Variants in SHISA9 observed in about 807,000 individuals in gnomAD.
SHISA9 encodes the protein shisa family member 9, also known as protein shisa-9.
SHISA9 carries 13 observed loss-of-function variants against 38.0 expected under a neutral mutation model. The observed-to-expected ratio is 0.34, with a 90% confidence interval of 0.22 to 0.54. SHISA9 has a LOEUF of 0.54. Ranked by LOEUF, SHISA9 falls within the 20% of genes least tolerant of loss-of-function variation. The pLI, the probability that SHISA9 is intolerant of heterozygous loss-of-function variation, is 0.91. For synonymous variants in SHISA9, 275 were observed against 242.0 expected, an observed-to-expected ratio of 1.14 and a Z score of -1.27; for missense variants, 538 against 575.8, an observed-to-expected ratio of 0.93 and a Z score of 0.67.
intron 2 of SHISA9, among the ~76,000 whole-genome samples, chr16:12,944,618 G>C (rs564526239): frequency 6.6e-6 from 1 of 152,164 alleles, no homozygotes. Flanking sequence ...ACTTTGGGAA[G>C]GTAGCGTTCC....
At chr16:12,957,418 G>A (rs147244862) in intron 2 of SHISA9, among the ~76,000 whole-genome samples, 199 of 152,258 alleles carry the variant, frequency 1.3e-3, no homozygotes, top group African/African-American at 4.0e-3. Flanking sequence ...GGGTGCCAGC[G>A]TGGTTGGGTT....
At chr16:13,424,726 A>T in the SHISA9 span, among the ~76,000 whole-genome samples, 1 of 152,220 alleles carries the variant, frequency 6.6e-6, no homozygotes, top group Non-Finnish European at 1.5e-5. Flanking sequence ...AAAAGCAGTC[A>T]TATATGATAT....
intron 2 of SHISA9, among the ~76,000 whole-genome samples, chr16:13,102,966 A>G (rs1306633838): frequency 6.6e-6 from 1 of 152,242 alleles, no homozygotes; most frequent in Non-Finnish European, 1.5e-5. Context: ...GGCTATGCAT[A>G]TAGAAATACT....
the SHISA9 span, among the ~76,000 whole-genome samples, chr16:13,376,083 T>C: frequency 7.0e-4 from 107 of 152,298 alleles, no homozygotes; most frequent in African/African-American, 2.5e-3. Flanking sequence ...ACATTGATAA[T>C]TGTGTTCCCT....
At chr16:13,015,886 C>CTTTCTTTCTTTCTTTCTTTCTTTCTT (rs1567182371) in intron 2 of SHISA9, among the ~76,000 whole-genome samples, 53 of 113,334 alleles carry the variant, frequency 4.7e-4, no homozygotes, top group Non-Finnish European at 6.7e-4. Context: ...TTCTTTCTTT[C>CTTTCTTTCTTTCTTTCTTTCTTTCTT]TTTCTTTCTT....
At chr16:13,056,363 A>G (rs765345489) in intron 2 of SHISA9, among the ~76,000 whole-genome samples, 60 of 152,292 alleles carry the variant, frequency 3.9e-4, no homozygotes, top group South Asian at 8.3e-4. Flanking sequence ...AAATTATGCA[A>G]TAGAGGCCTG....
chr16:13,034,910 A>G (rs2073035683), intron 2 of SHISA9, among the ~76,000 whole-genome samples: 1 of 152,216 alleles, frequency 6.6e-6, no homozygotes, highest in African/African-American at 2.4e-5. Context: ...AGACATGTGA[A>G]TGAGCTAAGC....
At position 13,115,290 on chromosome 16, in the gene SHISA9, G is replaced by A. The variant is rs537560560; in HGVS notation, c.692-88104G>A. On this transcript the variant is annotated intron_variant, in intron 2 of 4. Coordinates refer to ENST00000558583, the MANE Select transcript of SHISA9 (RefSeq NM_001145204.3). ...ATAGAGGTGTGAAGTGGGAAATCAG[G>A]GGTCTCACAGCCTTCAGAGCTGAGA... Among the ~76,000 whole-genome samples, 36 of 152,218 alleles carry A rather than the reference G, an allele frequency of 2.4e-4. 1 individual carries two copies. Among genetic ancestry groups the A allele is most frequent in the African/African-American group, 6.7e-4 (28 of 41,518 alleles).
chr16:13,072,028 G>C (rs894371162), intron 2 of SHISA9, among the ~76,000 whole-genome samples: 1 of 152,176 alleles, frequency 6.6e-6, no homozygotes, highest in African/African-American at 2.4e-5. Context: ...TTGCAGGGAT[G>C]TGAATGAGAG....
the SHISA9 span, among the ~76,000 whole-genome samples, chr16:13,440,608 A>G: frequency 6.6e-6 from 1 of 152,188 alleles, no homozygotes; most frequent in East Asian, 1.9e-4. Context: ...CTATTAGCCT[A>G]AAACCTGTGT....
At chr16:13,095,650 G>A (rs1291722431) in intron 2 of SHISA9, among the ~76,000 whole-genome samples, 1 of 152,240 alleles carries the variant, frequency 6.6e-6, no homozygotes, top group African/African-American at 2.4e-5. Context: ...TGGGAGGATA[G>A]CACATTCATT....
intron 2 of SHISA9, among the ~76,000 whole-genome samples, chr16:13,034,959 T>C (rs545896775): frequency 6.6e-6 from 1 of 152,308 alleles, no homozygotes; most frequent in South Asian, 2.1e-4. Context: ...CTAGACTAAA[T>C]AACCAATTAC....
At chr16:12,983,551 C>A (rs779968214) in intron 2 of SHISA9, among the ~76,000 whole-genome samples, 6 of 152,150 alleles carry the variant, frequency 3.9e-5, no homozygotes, top group Non-Finnish European at 7.4e-5. Flanking sequence ...TGCAGTGGCA[C>A]AATCTCGGCT....
chr16:13,234,535 A>G (rs536482187), intron 4 of SHISA9, among the ~76,000 whole-genome samples: 10 of 152,288 alleles, frequency 6.6e-5, no homozygotes, highest in African/African-American at 2.4e-4. Context: ...AAGCAAACAA[A>G]CCAGCGGAGA....
At chr16:13,519,365 G>A in the SHISA9 span, among the ~76,000 whole-genome samples, 1 of 152,192 alleles carries the variant, frequency 6.6e-6, no homozygotes, top group African/African-American at 2.4e-5. Flanking sequence ...AGCAATTGAT[G>A]AGATGTGAAT....
At chr16:13,078,721 T>C (rs1264865190) in intron 2 of SHISA9, among the ~76,000 whole-genome samples, 1 of 152,224 alleles carries the variant, frequency 6.6e-6, no homozygotes, top group Non-Finnish European at 1.5e-5. Context: ...TCAACTATTT[T>C]TGATTCCAAG....
At chr16:13,140,358 G>C (rs997849488) in intron 2 of SHISA9, among the ~76,000 whole-genome samples, 3 of 151,870 alleles carry the variant, frequency 2.0e-5, no homozygotes, top group African/African-American at 4.8e-5. Flanking sequence ...TGTATTTTTA[G>C]TAGAGACAGG....
intron 2 of SHISA9, among the ~76,000 whole-genome samples, chr16:13,090,632 T>C (rs772435302): frequency 5.1e-5 from 7 of 136,752 alleles, no homozygotes; most frequent in Admixed American, 8.7e-5. Flanking sequence ...ACTCCTGCTG[T>C]TTTTTTGCTT....
chr16:12,946,939 A>G (rs1046821463), intron 2 of SHISA9, among the ~76,000 whole-genome samples: 1 of 152,228 alleles, frequency 6.6e-6, no homozygotes, highest in Non-Finnish European at 1.5e-5. Context: ...CGTATTGTCC[A>G]TGGCTTTTTC....
Sources: allele counts gnomAD v4.1 joint callset (sites outside exome capture counted in the v4.1 genomes callset), GRCh38; gene constraint gnomAD v4.1.1; transcripts MANE v1.5; gene names NCBI Gene and HGNC (gene_info 2026-07-23, HGNC 2026-07-21).